DYNC1I1: variants seen among roughly 807,000 people sequenced by gnomAD.
DYNC1I1 encodes the protein cytoplasmic dynein 1 intermediate chain 1.
DYNC1I1 carries 43 observed loss-of-function variants against 86.6 expected under a neutral mutation model. The ratio of observed to expected loss-of-function variants is 0.50; its 90% CI spans 0.39 to 0.64. The LOEUF is 0.64. Ranked by LOEUF, DYNC1I1 falls within the 30% of genes least tolerant of loss-of-function variation. DYNC1I1 has a pLI of 0.00. For missense variants in DYNC1I1, 604 were observed against 788.8 expected (o/e 0.77, Z 2.81); for synonymous variants, 262 against 283.7 (o/e 0.92, Z 0.77).
chr7:96,097,284 T>C (rs1791042697), intron 16 of DYNC1I1, among the ~76,000 whole-genome samples, 199 bp from the exon 17 acceptor site: 1 of 152,136 alleles, frequency 6.6e-6, no homozygotes, highest in Admixed American at 6.5e-5. Flanking sequence ...CTTCCAAGAG[T>C]GACATGGTTC....
chr7:95,929,250 C>T (rs533228742), intron 6 of DYNC1I1, among the ~76,000 whole-genome samples: 2 of 152,246 alleles, frequency 1.3e-5, no homozygotes, highest in African/African-American at 4.8e-5. Flanking sequence ...GAACTCAGTC[C>T]TCAAAGGCTG....
intron 1 of DYNC1I1, among the ~76,000 whole-genome samples, chr7:95,803,296 G>T (rs7806612): frequency 0.032 from 4,871 of 152,272 alleles, 254 homozygotes; most frequent in African/African-American, 0.11. Flanking sequence ...ACAAATTTGA[G>T]CTATACGCTC....
At chr7:95,955,143 C>A (rs1792675907) in intron 6 of DYNC1I1, among the ~76,000 whole-genome samples, 1 of 151,972 alleles carries the variant, frequency 6.6e-6, no homozygotes, top group South Asian at 2.1e-4. Context: ...GGCATTCATG[C>A]TGGTTTTGAT....
chr7:96,108,007 C>T (rs1209159267), intron 16 of DYNC1I1, among the ~76,000 whole-genome samples: 2 of 151,812 alleles, frequency 1.3e-5, no homozygotes, highest in African/African-American at 4.8e-5. Context: ...CTCTTGCTGC[C>T]TTTTCCCCAA....
intron 6 of DYNC1I1, among the ~76,000 whole-genome samples, chr7:95,964,301 T>C (rs1369688632): frequency 6.6e-6 from 1 of 152,132 alleles, no homozygotes; most frequent in Non-Finnish European, 1.5e-5. Context: ...GATAGATAAT[T>C]CCCACTTCAA....
chr7:96,041,463 A>T (rs1789051301), intron 14 of DYNC1I1, among the ~76,000 whole-genome samples: 1 of 152,218 alleles, frequency 6.6e-6, no homozygotes, highest in South Asian at 2.1e-4. Context: ...CACTTCTAGG[A>T]ATCTATGCCA....
intron 6 of DYNC1I1, among the ~76,000 whole-genome samples, chr7:95,906,663 T>C (rs1791185804): frequency 6.6e-6 from 1 of 152,194 alleles, no homozygotes; most frequent in Non-Finnish European, 1.5e-5. Context: ...ACCTTTAAGC[T>C]GTATGCTTAT....
chr7:95,778,014 A>G (rs796887545), intron 1 of DYNC1I1, among the ~76,000 whole-genome samples: 49 of 152,324 alleles, frequency 3.2e-4, no homozygotes, highest in African/African-American at 9.9e-4. Flanking sequence ...AAACCGTGAC[A>G]TCATTCTTTG....
At chr7:95,814,075 A>G (rs1794895405) in intron 4 of DYNC1I1, among the ~76,000 whole-genome samples, 2 of 152,180 alleles carry the variant, frequency 1.3e-5, no homozygotes. Flanking sequence ...GTGTTCCCAC[A>G]TGCCGGGGTC....
At chr7:96,085,063 A>G (rs1790638772) in intron 16 of DYNC1I1, among the ~76,000 whole-genome samples, 1 of 151,962 alleles carries the variant, frequency 6.6e-6, no homozygotes, top group South Asian at 2.1e-4. Context: ...GAGCCCTGGC[A>G]CTCCCTGATT....
intron 6 of DYNC1I1, among the ~76,000 whole-genome samples, chr7:95,903,919 A>T (rs1178956917): frequency 2.0e-5 from 3 of 152,156 alleles, no homozygotes; most frequent in Non-Finnish European, 4.4e-5. Context: ...CTGCTGTGAG[A>T]TAACTTGGCT....
rs376870329 is a variant in DYNC1I1 at position 95,962,385 on chromosome 7, T to C, written c.491-15127T>C. On this transcript the variant is annotated intron_variant, in intron 6 of 16. Transcript: ENST00000447467. ...TTATGCTCCTCATTCCCAAATCCTA[T>C]TGCAACTAAATAATAGCTGCTTCTG... is the stretch of plus-strand genomic sequence containing the variant. 7.6e-4 allele frequency among the ~76,000 whole-genome samples: 116 copies of C among 152,318 alleles called. 2 individuals carry two copies. In the South Asian group the frequency reaches 0.023, roughly 30 times the overall value.
chr7:95,984,943 G>T lies in DYNC1I1; in HGVS notation c.709G>T (p.Asp237Tyr). ...ALAEDSDIFFDYSGRELEEKD... is the reference protein window; with the variant it reads ...ALAEDSDIFFYYSGRELEEKD... ...GGCTGAAGATTCCGACATCTTTTTT[G>T]ACTACAGCGGCCGAGAGTTAGAGGA... Residue 237 changes from aspartate (D) to tyrosine (Y), a missense_variant, in exon 8 of 17, where the codon GAC becomes TAC. Transcript: ENST00000447467. 2 of 1,613,402 alleles carry T rather than the reference G, an allele frequency of 1.2e-6. No individual in the cohort carries two copies. Among genetic ancestry groups the T allele is most frequent in the Non-Finnish European group, 1.7e-6 (2 of 1,179,650 alleles).
intron 6 of DYNC1I1, among the ~76,000 whole-genome samples, chr7:95,959,029 C>T (rs1287602862): frequency 2.6e-5 from 4 of 152,098 alleles, no homozygotes; most frequent in African/African-American, 9.7e-5. Flanking sequence ...GGGAGGTAAA[C>T]TTGAAGCTAT....
chr7:95,900,776 T>TA (rs1227134934), intron 6 of DYNC1I1, among the ~76,000 whole-genome samples: 2 of 152,160 alleles, frequency 1.3e-5, no homozygotes, highest in Admixed American at 1.3e-4. Flanking sequence ...ACAAATGGAA[T>TA]AAAAAAGTTT....
intron 6 of DYNC1I1, among the ~76,000 whole-genome samples, chr7:95,943,472 C>T (rs928395193): frequency 9.0e-5 from 13 of 144,440 alleles, no homozygotes; most frequent in African/African-American, 2.3e-4. Flanking sequence ...AGATTCAATG[C>T]CATCCCCATC....
At chr7:95,862,792 C>T (rs1789921073) in intron 5 of DYNC1I1, among the ~76,000 whole-genome samples, 1 of 152,072 alleles carries the variant, frequency 6.6e-6, no homozygotes, top group Non-Finnish European at 1.5e-5. Flanking sequence ...TAGGAATTCC[C>T]CCATTCCCAG....
chr7:95,870,812 A>T lies in DYNC1I1; in HGVS notation c.490+814A>T, dbSNP rs551805941. On this transcript the variant is annotated intron_variant, in intron 6 of 16. Coordinates refer to ENST00000447467, the MANE Select transcript of DYNC1I1 (RefSeq NM_001135556.2). ...TTCAAAACTTTATCAAAGCAAGATT[A>T]TGCAAAAGCAGAAGAGGGAGATGTA... Among the ~76,000 whole-genome samples the T allele has an allele frequency of 1.0e-3, 152 of 152,394 alleles. 1 individual carries two copies. The highest frequency in any genetic ancestry group is 3.6e-3 in the African/African-American group (150 of 41,596).
Position 95,867,260 on chromosome 7 carries a change from A to G in DYNC1I1, c.375-2623A>G, listed in dbSNP as rs2116152625. On this transcript the variant is annotated intron_variant, in intron 5 of 16. Transcript: ENST00000447467. ...TAAACATTATTATAATCATCAGAACAGATAAAGTAGAGCTGCTTGAGCCAA... is the reference window on the plus strand; with the variant it reads ...TAAACATTATTATAATCATCAGAACGGATAAAGTAGAGCTGCTTGAGCCAA... Among the ~76,000 whole-genome samples, 2 of 152,356 alleles carry G rather than the reference A, an allele frequency of 1.3e-5. 1 individual carries two copies. The highest frequency in any genetic ancestry group is 6.8e-3 in the Middle Eastern group (2 of 294).
Sources: gnomAD v4.1 joint callset for allele counts (sites outside exome capture counted in the v4.1 genomes callset) on GRCh38, gnomAD v4.1.1 for gene constraint, MANE v1.5 for transcripts, NCBI Gene and HGNC (gene_info 2026-07-23, HGNC 2026-07-21) for gene names.